The following CCDC154 variants were observed in gnomAD, a reference collection of about 807,000 sequenced individuals.
CCDC154 encodes the protein coiled-coil domain containing 154.
A neutral mutation model predicts 87.5 loss-of-function variants in CCDC154; 91 were observed. The ratio of observed to expected loss-of-function variants is 1.04; its 90% CI spans 0.88 to 1.24. CCDC154 has a LOEUF of 1.24. CCDC154 is among the 50% of genes most tolerant of loss of function. The pLI is 0.00. For synonymous variants in CCDC154, 418 were observed against 400.4 expected, an observed-to-expected ratio of 1.04 and a Z score of -0.52; for missense variants, 903 against 879.2, an observed-to-expected ratio of 1.03 and a Z score of -0.34.
chr16:1,439,393 G>A (rs1436009367), intron 6 of CCDC154: 4 of 494,858 alleles, frequency 8.1e-6, no homozygotes, highest in African/African-American at 2.0e-5. Flanking sequence ...ACCCACCACC[G>A]AGGCTGCCCA....
Position 1,438,929 on chromosome 16 carries a change from C to T in CCDC154, c.792G>A (p.Ser264=), listed in dbSNP as rs1053890261. Residue 264 remains serine, a synonymous_variant, in exon 8 of 17, where the codon TCG becomes TCA. Coordinates refer to ENST00000389176, the MANE Select transcript of CCDC154 (RefSeq NM_001143980.3). ...CCTCCAGCTTCAGCCGTGAGCTCTC[C>T]GAGGCCTTCATTCTCTGTGGGGAGA... is the stretch of plus-strand genomic sequence containing the variant. The part of the protein sequence containing the change: ...FLALEKRMKA[S]ESSRLKLEGS... The T allele has an allele frequency of 9.7e-6, 15 of 1,549,278 alleles. No individual in the cohort carries two copies. Among genetic ancestry groups the T allele is most frequent in the African/African-American group, 8.2e-5 (6 of 73,044 alleles).
At chr16:1,441,952 TCA>T (rs2038555944) in intron 6 of CCDC154, among the ~76,000 whole-genome samples, 2 of 152,012 alleles carry the variant, frequency 1.3e-5, no homozygotes, top group Admixed American at 1.3e-4. Context: ...AAATGGAGTC[TCA>T]CTCTGTCACC....
In CCDC154 at chr16:1,436,937, T is replaced by C. The variant is rs1031013805; in HGVS notation, c.1291-126A>G. On this transcript the variant is annotated intron_variant, in intron 11 of 16. Transcript: ENST00000389176. Reference sequence around the variant, plus strand: ...CCCACTTCCAGCTCTGAGACATTTGTGCACAGGCCTGCAGGCGGCTGGGAT... The same window carrying C: ...CCCACTTCCAGCTCTGAGACATTTGCGCACAGGCCTGCAGGCGGCTGGGAT... 10 of 1,294,176 alleles carry C rather than the reference T, an allele frequency of 7.7e-6. No homozygotes were observed. The Admixed American group carries it at 2.2e-4, about 29-fold the overall frequency. The allele number at this position is 1,294,176 out of a possible 1,614,324, so 80.2% of individuals were successfully genotyped here.
intron 14 of CCDC154, 66 bp from the exon 15 acceptor site, chr16:1,435,241 C>T (rs1021038861): frequency 5.1e-6 from 7 of 1,382,208 alleles, no homozygotes; most frequent in East Asian, 5.0e-5. Flanking sequence ...TCCCCACAGG[C>T]ACCCCGATAT....
rs1444740561 is a variant in CCDC154, at chr16:1,444,475, C to CGTCTG, written c.-158_-154dup. The stretch of plus-strand genomic sequence containing the variant: ...GCCTTGAGGGACGAGCTGCTGCCCT[C>CGTCTG]GTCTGGCTGCCTTCTCAGGGTCCCC... On this transcript the variant is annotated 5_prime_UTR_variant, in exon 1 of 17. Transcript: ENST00000389176. The CGTCTG allele has an allele frequency of 6.7e-6, 5 of 746,618 alleles. No homozygotes were observed. The highest frequency in any genetic ancestry group is 9.3e-6 in the Non-Finnish European group (5 of 538,868). The allele number at this position is 746,618 out of a possible 1,614,324, so 46.2% of individuals were successfully genotyped here.
intron 14 of CCDC154, among the ~76,000 whole-genome samples, 159 bp downstream of exon 14, chr16:1,435,810 G>A (rs1370447089): frequency 6.6e-6 from 1 of 152,190 alleles, no homozygotes; most frequent in Admixed American, 6.5e-5. Flanking sequence ...ATGGGTGTAA[G>A]CCACCCCGCC....
intron 1 of CCDC154, 143 bp downstream of exon 1, chr16:1,444,173 T>G (rs368962217): frequency 9.5e-7 from 1 of 1,056,794 alleles, no homozygotes; most frequent in East Asian, 5.9e-5. Context: ...CTCAGACAAG[T>G]CCAGGGCCCT....
chr16:1,441,718 G>A (rs1430880560), intron 6 of CCDC154, among the ~76,000 whole-genome samples: 1 of 152,170 alleles, frequency 6.6e-6, no homozygotes, highest in African/African-American at 2.4e-5. Flanking sequence ...GCAGGACACA[G>A]GCAGCTTCCT....
At chr16:1,437,175 T>G in intron 11 of CCDC154, 1 of 302,210 alleles carries the variant, frequency 3.3e-6, no homozygotes, top group Non-Finnish European at 6.3e-6. Context: ...GCCTACGCAA[T>G]GCACGTTACG....
At position 1,443,827 on chromosome 16, in the gene CCDC154, T is replaced by A; in HGVS notation, c.193A>T (p.Thr65Ser). The change falls in exon 2 of 17, where the codon ACC becomes TCC. Residue 65 changes from threonine to serine, a missense_variant. Physicochemically the swap from Thr to Ser is moderately conservative, Grantham distance 58. Coordinates refer to ENST00000389176, the MANE Select transcript of CCDC154 (RefSeq NM_001143980.3). ...TSTASVPEQD[T>S]AKHWNQLEQW... Reference sequence around the variant, plus strand: ...TCCAGCTGGTTCCAGTGCTTGGCGGTGTCCTGCTCGGGGACAGAGGCCGTG... The same window carrying A: ...TCCAGCTGGTTCCAGTGCTTGGCGGAGTCCTGCTCGGGGACAGAGGCCGTG... The A allele has an allele frequency of 7.7e-7, 1 of 1,304,470 alleles. No homozygotes were observed. The highest frequency in any genetic ancestry group is 1.0e-6 in the Non-Finnish European group (1 of 989,180). 80.8% of individuals were successfully genotyped at this position (1,304,470 alleles called of 1,614,324 possible).
intron 6 of CCDC154, among the ~76,000 whole-genome samples, chr16:1,441,375 G>A (rs2038550459): frequency 1.3e-5 from 2 of 152,198 alleles, no homozygotes; most frequent in African/African-American, 2.4e-5. Flanking sequence ...GGCAGTCCTG[G>A]CCCCTCACCC....
In CCDC154 at chr16:1,434,741, G is replaced by A. The variant is rs765670349; in HGVS notation, c.1804C>T (p.Arg602Trp). 104 of 1,546,014 alleles carry A rather than the reference G, an allele frequency of 6.7e-5. No homozygotes were observed. The highest frequency in any genetic ancestry group is 6.9e-5 in the Non-Finnish European group (79 of 1,146,816). Residue 602 changes from arginine to tryptophan, a missense_variant, in exon 16 of 17, where the codon CGG becomes TGG. Transcript: ENST00000389176. ...GGCGCCATGTCCTTGATGAAGACCC[G>A]CGGCCTCACCAGGGATGGGAGCGCC... The part of the protein sequence containing the change: ...WKALPSLVRP[R>W]VFIKDMAPGK...
chr16:1,444,029 T>C lies in CCDC154; in HGVS notation c.8-17A>G. 7.7e-7 allele frequency: 1 copy of C among 1,295,316 alleles called. No homozygotes were observed. 80.2% of individuals were successfully genotyped at this position (1,295,316 alleles called of 1,614,324 possible). A position where few individuals can be genotyped will look rare whatever the true frequency, so the allele number is the denominator to read the frequency against. On this transcript the variant is annotated splice_polypyrimidine_tract_variant and intron_variant, in intron 1 of 16. Coordinates refer to ENST00000389176, the MANE Select transcript of CCDC154 (RefSeq NM_001143980.3). ...CAGCCAACTCTACAAGGAGGCATCT[T>C]GGGAGCTTGCCCCTTGGGGCCCGGC...
rs556859321 is a variant in CCDC154 at position 1,437,460 on chromosome 16, G to A, written c.1290+357C>T. On this transcript the variant is annotated intron_variant, in intron 11 of 16. Coordinates refer to ENST00000389176, the MANE Select transcript of CCDC154 (RefSeq NM_001143980.3). ...AACTGTGCACGTTCACGGGTGAACC[G>A]TGTGGGGAGTGAATCCATCTCAACA... The A allele has an allele frequency of 8.9e-5, 23 of 257,342 alleles. No homozygotes were observed. The South Asian group carries it at 1.3e-3, about 14-fold the overall frequency. 15.9% of individuals were successfully genotyped at this position (257,342 alleles called of 1,614,324 possible).
intron 11 of CCDC154, chr16:1,437,601 G>A: frequency 1.8e-6 from 1 of 548,678 alleles, no homozygotes; most frequent in South Asian, 3.4e-5. Flanking sequence ...CTCACGGGCT[G>A]CAGATGCTGG....
In CCDC154 at chr16:1,438,809, C is replaced by T. The variant is rs554613502; in HGVS notation, c.906+6G>A. The T allele has an allele frequency of 4.4e-5, 68 of 1,541,056 alleles. No individual in the cohort carries two copies. The highest frequency in any genetic ancestry group is 2.0e-4 in the Middle Eastern group (1 of 5,078). On this transcript the variant is annotated splice_donor_region_variant and intron_variant, in intron 8 of 16. Transcript: ENST00000389176. ...CCCCACCTGCCCGCCGCCCGCCCGGCCCCACCTCATGCTGCCCCTGCAGGG... is the reference window on the plus strand; with the variant it reads ...CCCCACCTGCCCGCCGCCCGCCCGGTCCCACCTCATGCTGCCCCTGCAGGG...
At chr16:1,442,351 G>A in intron 6 of CCDC154, 55 bp downstream of exon 6, 2 of 1,498,882 alleles carry the variant, frequency 1.3e-6, no homozygotes, top group Non-Finnish European at 1.8e-6. Context: ...GAGAGGGTTA[G>A]GGTCTCCTCC....
rs1484333512 is a variant in CCDC154, at chr16:1,444,336, C to T, written c.-14G>A. 4.6e-6 allele frequency: 6 copies of T among 1,301,542 alleles called. No homozygotes were observed. In the East Asian group the frequency reaches 2.8e-4, roughly 60 times the overall value. The allele number at this position is 1,301,542 out of a possible 1,614,324, so 80.6% of individuals were successfully genotyped here. A position where few individuals can be genotyped will look rare whatever the true frequency, so the allele number is the denominator to read the frequency against. ...GTCACCTGACATGGCTGCTGGGCTGCACCGGCCACCCTGCCCTCGGCTGTA... is the reference window on the plus strand; with the variant it reads ...GTCACCTGACATGGCTGCTGGGCTGTACCGGCCACCCTGCCCTCGGCTGTA... On this transcript the variant is annotated 5_prime_UTR_variant, in exon 1 of 17. Transcript: ENST00000389176.
intron 6 of CCDC154, among the ~76,000 whole-genome samples, chr16:1,440,776 C>G (rs539150577): frequency 1.3e-5 from 2 of 151,932 alleles, no homozygotes; most frequent in East Asian, 3.9e-4. Flanking sequence ...CAGTGAAACC[C>G]CATCTCTACT....
Sources: allele counts gnomAD v4.1 joint callset (sites outside exome capture counted in the v4.1 genomes callset), GRCh38; gene constraint gnomAD v4.1.1; transcripts MANE v1.5; gene names NCBI Gene and HGNC (gene_info 2026-07-23, HGNC 2026-07-21).